Variants in UBE2W observed in about 807,000 individuals in gnomAD.
UBE2W encodes ubiquitin-conjugating enzyme E2 W.
UBE2W carries 18 observed loss-of-function variants against 27.2 expected under a neutral mutation model. The ratio of observed to expected loss-of-function variants is 0.66; its 90% CI spans 0.46 to 0.98. The LOEUF is 0.98. Ranked by LOEUF, UBE2W falls within the 50% of genes least tolerant of loss-of-function variation. UBE2W has a pLI of 0.00. For synonymous variants in UBE2W, 53 were observed against 57.2 expected, an observed-to-expected ratio of 0.93 and a Z score of 0.33; for missense variants, 90 against 180.2, an observed-to-expected ratio of 0.50 and a Z score of 2.87.
At chr8:73,813,109 A>AAAAAAAAAAAAAG (rs1554580723) in intron 3 of UBE2W, among the ~76,000 whole-genome samples, 1 of 143,062 alleles carries the variant, frequency 7.0e-6, no homozygotes, top group African/African-American at 2.6e-5. Context: ...AAAAAAAAAA[A>AAAAAAAAAAAAAG]GAACAACTGC....
chr8:73,798,574 G>A (rs77927360), intron 5 of UBE2W, among the ~76,000 whole-genome samples: 4 of 152,046 alleles, frequency 2.6e-5, no homozygotes, highest in South Asian at 2.1e-4. Flanking sequence ...TGTCCTCCCC[G>A]CTGTGGAAAG....
At chr8:73,850,525 G>A (rs1348211812) in intron 1 of UBE2W, among the ~76,000 whole-genome samples, 1 of 151,906 alleles carries the variant, frequency 6.6e-6, no homozygotes, top group Non-Finnish European at 1.5e-5. Flanking sequence ...AAAATATACT[G>A]CTACAAAGAT....
intron 5 of UBE2W, among the ~76,000 whole-genome samples, chr8:73,802,676 G>A (rs187423048): frequency 9.0e-4 from 136 of 150,618 alleles, no homozygotes; most frequent in Non-Finnish European, 1.7e-3. Context: ...ATCACCCTGA[G>A]GTCAGGAGTT....
intron 1 of UBE2W, 92 bp downstream of exon 1, chr8:73,878,716 G>C (rs916867741): frequency 1.7e-6 from 2 of 1,175,554 alleles, no homozygotes; most frequent in Non-Finnish European, 2.5e-6. Flanking sequence ...ACCCGCCCGG[G>C]TGTCCCCGAA....
intron 1 of UBE2W, among the ~76,000 whole-genome samples, chr8:73,878,070 G>A (rs1812310333): frequency 6.6e-6 from 1 of 152,162 alleles, no homozygotes; most frequent in African/African-American, 2.4e-5. Flanking sequence ...CAAAATAGAA[G>A]GCAAGCTATC....
chr8:73,866,290 A>AAAAAAAAAT (rs1248216873), intron 1 of UBE2W, among the ~76,000 whole-genome samples: 1 of 43,092 alleles, frequency 2.3e-5, no homozygotes, highest in African/African-American at 9.9e-5. Flanking sequence ...AAAAAAAAAA[A>AAAAAAAAAT]ATATATATAT....
chr8:73,805,130 G>C (rs7006360), intron 5 of UBE2W, among the ~76,000 whole-genome samples: 3,667 of 151,914 alleles, frequency 0.024, 155 homozygotes, highest in African/African-American at 0.084. Context: ...TTACTTTTAT[G>C]ATGGCTATGA....
At chr8:73,857,584 G>A (rs182687825) in intron 1 of UBE2W, among the ~76,000 whole-genome samples, 4 of 152,230 alleles carry the variant, frequency 2.6e-5, no homozygotes, top group Admixed American at 2.0e-4. Context: ...TTGTGAGGCC[G>A]AGATGGGCAG....
intron 1 of UBE2W, among the ~76,000 whole-genome samples, chr8:73,858,839 C>A (rs1811413662): frequency 6.6e-6 from 1 of 151,768 alleles, no homozygotes; most frequent in African/African-American, 2.4e-5. Flanking sequence ...CTTGCAAGGA[C>A]TGAACCAACC....
chr8:73,839,602 A>G (rs1209011357), intron 1 of UBE2W, among the ~76,000 whole-genome samples: 1 of 151,560 alleles, frequency 6.6e-6, no homozygotes, highest in Non-Finnish European at 1.5e-5. Context: ...GTTTGCAGTG[A>G]GCCGAGATCA....
chr8:73,857,501 T>A (rs1428826909), intron 1 of UBE2W, among the ~76,000 whole-genome samples: 1 of 152,112 alleles, frequency 6.6e-6, no homozygotes, highest in Non-Finnish European at 1.5e-5. Context: ...AAAGAGCAAG[T>A]TCAATCTTCT....
At chr8:73,851,597 T>A (rs1239211771) in intron 1 of UBE2W, among the ~76,000 whole-genome samples, 1 of 152,114 alleles carries the variant, frequency 6.6e-6, no homozygotes, top group African/African-American at 2.4e-5. Context: ...TATTTTTAAA[T>A]AAAAATATGA....
At position 73,865,180 on chromosome 8, in the gene UBE2W, C is replaced by CAAAAAA. The variant is rs11354153; in HGVS notation, c.15+13622_15+13627dup. On this transcript the variant is annotated intron_variant, in intron 1 of 5. Transcript: ENST00000602593. ...CACTGCTCTTTAAGTGTGCAAACGT[C>CAAAAAA]AAAAAAAAAAAAAAAAAAAAAAAAA... Among the ~76,000 whole-genome samples the CAAAAAA allele has an allele frequency of 2.4e-3, 80 of 32,848 alleles. 8 individuals are homozygous for CAAAAAA. The highest frequency in any genetic ancestry group is 4.0e-3 in the East Asian group (3 of 742). The allele number at this position is 32,848 out of a possible 152,430, so 21.5% of individuals were successfully genotyped here.
intron 4 of UBE2W, among the ~76,000 whole-genome samples, chr8:73,809,495 T>C (rs1001363674): frequency 1.3e-5 from 2 of 152,172 alleles, no homozygotes; most frequent in Non-Finnish European, 2.9e-5. Context: ...ATACTAACCC[T>C]TAAGCAGGAA....
At chr8:73,873,046 C>T (rs982947043) in intron 1 of UBE2W, among the ~76,000 whole-genome samples, 1 of 152,036 alleles carries the variant, frequency 6.6e-6, no homozygotes, top group African/African-American at 2.4e-5. Flanking sequence ...ACTGGGATTA[C>T]AGATGCGCTC....
intron 5 of UBE2W, among the ~76,000 whole-genome samples, chr8:73,803,805 C>T (rs1206602669): frequency 1.4e-5 from 2 of 146,832 alleles, no homozygotes; most frequent in African/African-American, 2.5e-5. Context: ...CTTGCTCTGT[C>T]GCCCAGGCTG....
chr8:73,862,821 GA>G lies in UBE2W; in HGVS notation c.15+15986del, dbSNP rs1302877413. ...ACATTTATGCAGCCAAAAAACACAT[GA>G]AAAAATGCTCATCATCACTGGCCAT... On this transcript the variant is annotated intron_variant, in intron 1 of 5. Transcript: ENST00000602593. Among the ~76,000 whole-genome samples, 13 of 139,194 alleles carry G rather than the reference GA, an allele frequency of 9.3e-5. No homozygotes were observed. In the South Asian group the frequency reaches 3.2e-3, roughly 34 times the overall value. 91.3% of individuals were successfully genotyped at this position (139,194 alleles called of 152,430 possible).
downstream of UBE2W, among the ~76,000 whole-genome samples, chr8:73,785,755 A>G (rs540037466): frequency 3.4e-4 from 51 of 150,872 alleles, no homozygotes; most frequent in African/African-American, 1.2e-3. Flanking sequence ...CCACGCCGTT[A>G]TTTTATTTTT....
intron 1 of UBE2W, among the ~76,000 whole-genome samples, chr8:73,862,048 G>A (rs1442971120): frequency 6.6e-6 from 1 of 152,332 alleles, no homozygotes; most frequent in East Asian, 1.9e-4. Flanking sequence ...ACAAGGAGAT[G>A]TATTACAACT....
Sources: allele counts gnomAD v4.1 joint callset (sites outside exome capture counted in the v4.1 genomes callset), GRCh38; gene constraint gnomAD v4.1.1; transcripts MANE v1.5; gene names NCBI Gene and HGNC (gene_info 2026-07-23, HGNC 2026-07-21).